Variants in POLI observed in about 807,000 individuals in gnomAD.
POLI encodes the protein DNA polymerase iota, also known as RAD30 homolog B.
In POLI, 58 loss-of-function variants were observed where a neutral mutation model predicts 51.6. The observed-to-expected ratio is 1.12, with a 90% confidence interval of 0.91 to 1.40. The LOEUF is 1.40. POLI is among the 40% of genes most tolerant of loss of function. POLI has a pLI of 0.00. For missense variants in POLI, 921 were observed against 871.3 expected, an observed-to-expected ratio of 1.06 and a Z score of -0.72; for synonymous variants, 322 against 299.7, an observed-to-expected ratio of 1.07 and a Z score of -0.77.
At chr18:54,307,781 A>G (rs1181506414) in intron 3 of POLI, among the ~76,000 whole-genome samples, 1 of 152,150 alleles carries the variant, frequency 6.6e-6, no homozygotes, top group East Asian at 1.9e-4. Context: ...TATTGGGTGC[A>G]TATATATTTA....
intron 3 of POLI, among the ~76,000 whole-genome samples, chr18:54,316,519 T>C (rs1171269054): frequency 2.0e-5 from 3 of 152,226 alleles, no homozygotes; most frequent in Non-Finnish European, 4.4e-5. Context: ...TGATGTAACA[T>C]ATTCTTTTTG....
In POLI at chr18:54,269,620, C is replaced by T. The variant is rs202045769; in HGVS notation, c.74C>T (p.Ala25Val). The T allele has an allele frequency of 6.6e-7, 1 of 1,511,018 alleles. No individual in the cohort carries two copies. Among genetic ancestry groups the T allele is most frequent in the Non-Finnish European group, 8.8e-7 (1 of 1,132,408 alleles). The allele number at this position is 1,511,018 out of a possible 1,614,324, so 93.6% of individuals were successfully genotyped here. A position where few individuals can be genotyped will look rare whatever the true frequency, so the allele number is the denominator to read the frequency against. The change falls in exon 1 of 10, where the codon GCC becomes GTC. Residue 25 changes from alanine to valine, a missense_variant. Coordinates refer to ENST00000579534, the MANE Select transcript of POLI (RefSeq NM_007195.3). ...GACGAGGAAGACGCCGAGGCCTGGG[C>T]CATGGAACTGGCGGACGTGGGGGCG... ...DDDEEDAEAW[A>V]MELADVGAAA... is the part of the protein sequence containing the mutation.
chr18:54,311,170 T>G, intron 3 of POLI: 1 of 896,386 alleles, frequency 1.1e-6, no homozygotes, highest in Non-Finnish European at 1.3e-6. Flanking sequence ...GAGAAGTTAC[T>G]GACAATTGTA....
chr18:54,286,984 C>G lies in POLI; in HGVS notation c.1068-297C>G. 2.0e-5 allele frequency among the ~76,000 whole-genome samples: 3 copies of G among 151,996 alleles called. No homozygotes were observed. The South Asian group carries it at 6.2e-4, about 32-fold the overall frequency. On this transcript the variant is annotated intron_variant, in intron 7 of 9. Transcript: ENST00000579534. ...GGTTGCTTTTAGTTTTGTTTTGGAT[C>G]TGTATTATAAAACAGTTTGTTATGA... is the stretch of plus-strand genomic sequence containing the variant.
chr18:54,284,106 C>T (rs1599201045), intron 7 of POLI, 93 bp downstream of exon 7: 3 of 532,288 alleles, frequency 5.6e-6, no homozygotes, highest in East Asian at 6.3e-5. Context: ...TTGGAACTGA[C>T]AGATTATCTG....
chr18:54,289,777 G>A (rs967686567), intron 8 of POLI, among the ~76,000 whole-genome samples: 1 of 152,166 alleles, frequency 6.6e-6, no homozygotes, highest in Non-Finnish European at 1.5e-5. Context: ...CTAGCCATAT[G>A]TAGAAAGTTG....
At chr18:54,286,880 G>A (rs1209186737) in intron 7 of POLI, among the ~76,000 whole-genome samples, 1 of 151,908 alleles carries the variant, frequency 6.6e-6, no homozygotes, top group Non-Finnish European at 1.5e-5. Flanking sequence ...GGAGGTGAAG[G>A]TTGCAGTGAG....
rs2088138119 is a variant in POLI, at chr18:54,293,688, A to G, written c.1444A>G (p.Lys482Glu). The stretch of plus-strand genomic sequence containing the variant: ...TCATATGGAAGATTTTCCCAAAGAC[A>G]AAGAAACAAACCGGGATTTCCTACC... ...DTHMEDFPKDKETNRDFLPSG... is the reference protein window; with the variant it reads ...DTHMEDFPKDEETNRDFLPSG... Residue 482 changes from lysine (K) to glutamate (E), a missense_variant, in exon 10 of 10, where the codon AAA (lysine) becomes GAA (glutamate). By Grantham distance (56) the Lys-to-Glu change is moderately conservative. Coordinates refer to ENST00000579534, the MANE Select transcript of POLI (RefSeq NM_007195.3). 1 of 1,592,256 alleles carries G rather than the reference A, an allele frequency of 6.3e-7. No individual in the cohort carries two copies. The highest frequency in any genetic ancestry group is 8.5e-7 in the Non-Finnish European group (1 of 1,171,974).
chr18:54,294,733 A>C lies in POLI; in HGVS notation c.*266A>C, dbSNP rs1033812227. On this transcript the variant is annotated 3_prime_UTR_variant, in exon 10 of 10. Transcript: ENST00000579534. ...AAGAATATCATGGTCAACATAGAAT[A>C]TTTTTCATGAATTGGTGGGGAGATG... 9.6e-6 allele frequency: 10 copies of C among 1,038,096 alleles called. No individual in the cohort carries two copies. The highest frequency in any genetic ancestry group is 1.0e-5 in the Non-Finnish European group (9 of 858,332). The allele number at this position is 1,038,096 out of a possible 1,614,324, so 64.3% of individuals were successfully genotyped here.
In POLI at chr18:54,295,518, T is replaced by C. The variant is rs150580996; in HGVS notation, c.*1051T>C. 9.7e-6 allele frequency: 9 copies of C among 926,160 alleles called. No individual in the cohort carries two copies. In the East Asian group the frequency reaches 9.4e-4, roughly 97 times the overall value. 57.4% of individuals were successfully genotyped at this position (926,160 alleles called of 1,614,324 possible). A position where few individuals can be genotyped will look rare whatever the true frequency, so the allele number is the denominator to read the frequency against. ...TATGGGAGTATCCTGGTCTCAAGTT[T>C]ATAATTTTTGCACATATAATCTAAA... On this transcript the variant is annotated 3_prime_UTR_variant, in exon 10 of 10. Coordinates refer to ENST00000579534, the MANE Select transcript of POLI (RefSeq NM_007195.3).
At chr18:54,309,579 A>G (rs1316790640) in intron 3 of POLI, among the ~76,000 whole-genome samples, 1 of 152,156 alleles carries the variant, frequency 6.6e-6, no homozygotes, top group Non-Finnish European at 1.5e-5. Flanking sequence ...TCAGAGCTCA[A>G]ACACCGTGCT....
chr18:54,315,940 GGGTCTTCCTTT>G (rs1229814874), intron 3 of POLI, among the ~76,000 whole-genome samples: 3 of 151,298 alleles, frequency 2.0e-5, no homozygotes, highest in South Asian at 2.1e-4. Flanking sequence ...TTTTGAGACA[GGGTCTTCCTTT>G]GTTGCCTAGA....
chr18:54,294,024 G>A lies in POLI; in HGVS notation c.1780G>A (p.Val594Ile). ...PRDHLSSSKQ[V>I]SSVSPCEPGT... ...AGATCATTTATCCAGTAGCAAACAG[G>A]TATCCTCTGTATCTCCTTGTGAACC... Residue 594 changes from valine to isoleucine, a missense_variant, in exon 10 of 10, where the codon GTA becomes ATA. Transcript: ENST00000579534. The A allele has an allele frequency of 6.2e-7, 1 of 1,613,408 alleles. No individual in the cohort carries two copies. Among genetic ancestry groups the A allele is most frequent in the Non-Finnish European group, 8.5e-7 (1 of 1,179,578 alleles).
At position 54,280,756 on chromosome 18, in the gene POLI, G is replaced by T; in HGVS notation, c.649G>T (p.Gly217Trp). 6.2e-7 allele frequency: 1 copy of T among 1,613,774 alleles called. No individual in the cohort carries two copies. The highest frequency in any genetic ancestry group is 2.2e-5 in the East Asian group (1 of 44,892). ...EMREAMYNQL[G>W]LTGCAGVASN... ...GCGGGAAGCCATGTATAATCAGTTG[G>T]GGCTCACTGGCTGTGCTGGAGTGGC... is the stretch of plus-strand genomic sequence containing the variant. The change falls in exon 5 of 10, where the codon GGG (glycine) becomes TGG (tryptophan). Residue 217 changes from glycine to tryptophan, a missense_variant. Transcript: ENST00000579534.
chr18:54,289,097 C>CT (rs369683607), intron 8 of POLI, among the ~76,000 whole-genome samples: 1 of 150,246 alleles, frequency 6.7e-6, no homozygotes, highest in South Asian at 2.1e-4. Context: ...AGGGTTTTTT[C>CT]TTTTTTGTTT....
chr18:54,314,205 A>G (rs1229760498), intron 3 of POLI, among the ~76,000 whole-genome samples: 1 of 152,116 alleles, frequency 6.6e-6, no homozygotes, highest in Non-Finnish European at 1.5e-5. Context: ...CATTGAGATG[A>G]TCATGTGGCT....
intron 8 of POLI, among the ~76,000 whole-genome samples, chr18:54,290,227 A>G (rs1312708941): frequency 6.6e-6 from 1 of 152,264 alleles, no homozygotes; most frequent in Non-Finnish European, 1.5e-5. Context: ...CATATGAAAA[A>G]ATGCTCATCA....
intron 3 of POLI, among the ~76,000 whole-genome samples, chr18:54,311,350 A>AATG (rs572220728): frequency 0.015 from 2,281 of 152,274 alleles, 24 homozygotes; most frequent in Middle Eastern, 0.024. Context: ...TAATAATAAT[A>AATG]ATGAAGAAAC....
At chr18:54,313,865 GT>G (rs2088699846) in intron 3 of POLI, among the ~76,000 whole-genome samples, 1 of 152,066 alleles carries the variant, frequency 6.6e-6, no homozygotes, top group South Asian at 2.1e-4. Context: ...GATTATGGGG[GT>G]TTCTAGATAT....
Sources: gnomAD v4.1 joint callset for allele counts (sites outside exome capture counted in the v4.1 genomes callset) on GRCh38, gnomAD v4.1.1 for gene constraint, MANE v1.5 for transcripts, NCBI Gene and HGNC (gene_info 2026-07-23, HGNC 2026-07-21) for gene names.